The following COL16A1 variants were observed in gnomAD, a reference collection of about 807,000 sequenced individuals.
COL16A1 encodes the protein collagen type XVI alpha 1 chain.
A neutral mutation model predicts 266.3 loss-of-function variants in COL16A1; 189 were observed. That is an observed-to-expected ratio of 0.71 (90% confidence interval 0.63 to 0.80). The LOEUF (loss-of-function observed/expected upper bound fraction) is 0.80. Among genes scored for constraint, COL16A1 ranks in the 30% least tolerant of loss-of-function variants. The pLI, the probability that COL16A1 is intolerant of heterozygous loss-of-function variation, is 0.00. For synonymous variants in COL16A1, 740 were observed against 782.3 expected, an observed-to-expected ratio of 0.95 and a Z score of 0.90; for missense variants, 1,928 against 2,122.4, an observed-to-expected ratio of 0.91 and a Z score of 1.80.
chr1:31,702,224 G>A lies in COL16A1; in HGVS notation c.-31C>T, dbSNP rs1344133313. ...TCCAAAGAGGTCAGCTACAGCCACA[G>A]CACCTGAAAACCACAGAGACCGGGA... On this transcript the variant is annotated 5_prime_UTR_variant, in exon 2 of 71. Transcript: ENST00000373672. 6.2e-7 allele frequency: 1 copy of A among 1,613,740 alleles called. No individual in the cohort carries two copies. Among genetic ancestry groups the A allele is most frequent in the Non-Finnish European group, 8.5e-7 (1 of 1,179,830 alleles).
chr1:31,691,340 C>T, intron 19 of COL16A1, 77 bp downstream of exon 19: 1 of 1,581,510 alleles, frequency 6.3e-7, no homozygotes, highest in South Asian at 1.2e-5. Context: ...CCTTATCTTC[C>T]CCCCGTTCAT....
intron 42 of COL16A1, among the ~76,000 whole-genome samples, chr1:31,676,204 G>C (rs1312263351): frequency 1.3e-5 from 2 of 151,866 alleles, no homozygotes; most frequent in South Asian, 4.2e-4. Context: ...GTGTGCCTGT[G>C]GTCCCAGATA....
chr1:31,658,693 G>T, intron 63 of COL16A1, 116 bp from the exon 64 acceptor site: 2 of 1,083,286 alleles, frequency 1.8e-6, no homozygotes, highest in African/African-American at 1.6e-5. Flanking sequence ...AGGTGGCACT[G>T]CCTGAACTTG....
rs1570566699 is a variant in COL16A1, at chr1:31,692,357, T to G, written c.1194+117A>C. ...GGGGGAGATGGGGGAGGGAGGGTCC[T>G]GCCAGCTCTGTGCCCACTGACACCC... On this transcript the variant is annotated intron_variant, in intron 16 of 70. Coordinates refer to ENST00000373672, the MANE Select transcript of COL16A1 (RefSeq NM_001856.4). The G allele has an allele frequency of 4.8e-6, 7 of 1,462,224 alleles. No individual in the cohort carries two copies. In the East Asian group the frequency reaches 1.7e-4, roughly 36 times the overall value. 90.6% of individuals were successfully genotyped at this position (1,462,224 alleles called of 1,614,324 possible).
chr1:31,668,015 G>A lies in COL16A1; in HGVS notation c.3303+150C>T. The A allele has an allele frequency of 1.5e-6, 1 of 656,444 alleles. No individual in the cohort carries two copies. Among genetic ancestry groups the A allele is most frequent in the East Asian group, 2.7e-5 (1 of 36,496 alleles). The allele number at this position is 656,444 out of a possible 1,614,324, so 40.7% of individuals were successfully genotyped here. On this transcript the variant is annotated intron_variant, in intron 51 of 70. Transcript: ENST00000373672. This position sits in a 1 kb window ranked among gnomAD's most constrained non-coding sequence, Gnocchi z 5.8. ...CCAAGGGGGCCTACAGTGGGGAGAG[G>A]GGGCTGCATGGACTTTAGGCAAAGG...
rs540224903 is a variant in COL16A1, at chr1:31,670,589, G to A, written c.3195+13C>T. The A allele has an allele frequency of 8.6e-6, 12 of 1,395,678 alleles. No homozygotes were observed. The East Asian group carries it at 9.2e-5, about 11-fold the overall frequency. 86.5% of individuals were successfully genotyped at this position (1,395,678 alleles called of 1,614,324 possible). A position where few individuals can be genotyped will look rare whatever the true frequency, so the allele number is the denominator to read the frequency against. On this transcript the variant is annotated intron_variant, in intron 49 of 70. Coordinates refer to ENST00000373672, the MANE Select transcript of COL16A1 (RefSeq NM_001856.4). The surrounding 1 kb of genome is among the most constrained non-coding windows in gnomAD (Gnocchi z 4.5). ...CGGGGGGGAGGGGAGGTCGAGCAGC[G>A]CTAGGTTCTTACAGGCAATCCGGGG...
Position 31,691,593 on chromosome 1 carries a change from C to T in COL16A1, c.1302+5G>A, listed in dbSNP as rs780517616. Reference sequence around the variant, plus strand: ...ATCTCCACCCCACAAACATCCACAACTCACCTTCTGCCCTTTGGGCCCAAT... The same window carrying T: ...ATCTCCACCCCACAAACATCCACAATTCACCTTCTGCCCTTTGGGCCCAAT... On this transcript the variant is annotated splice_donor_5th_base_variant and intron_variant, in intron 18 of 70. Transcript: ENST00000373672. 4 of 1,613,824 alleles carry T rather than the reference C, an allele frequency of 2.5e-6. No homozygotes were observed. In the African/African-American group the frequency reaches 5.3e-5, roughly 22 times the overall value.
At position 31,688,346 on chromosome 1, in the gene COL16A1, C is replaced by A; in HGVS notation, c.1803+121G>T. The A allele has an allele frequency of 1.8e-6, 2 of 1,127,270 alleles. No homozygotes were observed. Among genetic ancestry groups the A allele is most frequent in the South Asian group, 2.6e-5 (2 of 75,864 alleles). The allele number at this position is 1,127,270 out of a possible 1,614,324, so 69.8% of individuals were successfully genotyped here. On this transcript the variant is annotated intron_variant, in intron 26 of 70. Transcript: ENST00000373672. The surrounding 1 kb of genome is among the most constrained non-coding windows in gnomAD (Gnocchi z 4.9). ...CTGCAAAACACTAGTAAATTAATTT[C>A]ACTGTGAATTTACCGTCTGAATCTC...
chr1:31,655,173 GCA>G (rs1557602325), intron 67 of COL16A1, 139 bp downstream of exon 67: 1 of 1,366,458 alleles, frequency 7.3e-7, no homozygotes, highest in Non-Finnish European at 9.8e-7. Context: ...CCACCCTTCC[GCA>G]CACAGTTAAG....
At chr1:31,673,571 C>T (rs1255990401) in intron 44 of COL16A1, among the ~76,000 whole-genome samples, 5 of 152,264 alleles carry the variant, frequency 3.3e-5, no homozygotes, top group African/African-American at 7.2e-5. Context: ...CCAGTAATAA[C>T]GACTGGCATT....
rs201840847 is a variant in COL16A1 at position 31,694,125 on chromosome 1, G to A, written c.1008+19C>T. On this transcript the variant is annotated intron_variant, in intron 12 of 70. Coordinates refer to ENST00000373672, the MANE Select transcript of COL16A1 (RefSeq NM_001856.4). ...ATGCTAAAGAGGACGGGAATGTCCC[G>A]TTCTCCATTAGGACTCACCTTGGGG... 77 of 1,599,932 alleles carry A rather than the reference G, an allele frequency of 4.8e-5. No homozygotes were observed. Among genetic ancestry groups the A allele is most frequent in the African/African-American group, 3.3e-4 (25 of 74,708 alleles).
chr1:31,660,755 TG>T, intron 61 of COL16A1, 117 bp from the exon 62 acceptor site: 1 of 1,451,060 alleles, frequency 6.9e-7, no homozygotes, highest in Non-Finnish European at 9.3e-7. Context: ...CCAAAGGAGC[TG>T]GGCCAATTCC....
At chr1:31,665,660 C>G in intron 54 of COL16A1, 42 bp from the exon 55 acceptor site, 1 of 1,606,854 alleles carries the variant, frequency 6.2e-7, no homozygotes, top group Non-Finnish European at 8.5e-7. Flanking sequence ...GCCACCCCCT[C>G]TCTCCTGCCT....
rs1642733525 is a variant in COL16A1, at chr1:31,671,787, C to T, written c.3106-128G>A. ...GAGGGTGGCTGCTGTCCAAGCAGGA[C>T]CACTTAGCTGATGTTCGAACAATCT... is the stretch of plus-strand genomic sequence containing the variant. On this transcript the variant is annotated intron_variant, in intron 47 of 70. Coordinates refer to ENST00000373672, the MANE Select transcript of COL16A1 (RefSeq NM_001856.4). 6 of 1,071,442 alleles carry T rather than the reference C, an allele frequency of 5.6e-6. No individual in the cohort carries two copies. In the South Asian group the frequency reaches 8.4e-5, roughly 15 times the overall value. The allele number at this position is 1,071,442 out of a possible 1,614,324, so 66.4% of individuals were successfully genotyped here.
At chr1:31,690,597 CG>C in intron 20 of COL16A1, 24 bp from the exon 21 acceptor site, 1 of 1,612,466 alleles carries the variant, frequency 6.2e-7, no homozygotes. Flanking sequence ...AAAGGATAAG[CG>C]GGGAGCCTTC....
In COL16A1 at chr1:31,692,017, C is replaced by G; in HGVS notation, c.1245G>C (p.Lys415Asn). Residue 415 changes from lysine (K) to asparagine (N), a missense_variant, in exon 17 of 71, where the codon AAG (lysine) becomes AAC (asparagine). Physicochemically the swap from Lys to Asn is moderately conservative, Grantham distance 94. This residue lies in a region of COL16A1 where 1,552 missense variants were observed against 1,637.2 expected (regional missense o/e 0.95). Coordinates refer to ENST00000373672, the MANE Select transcript of COL16A1 (RefSeq NM_001856.4). The stretch of plus-strand genomic sequence containing the variant: ...CCCAGGCACCTACGTCCCGGCCTGG[C>G]TTTCCCGGCACGCCCTTGATGCCTC... Reference protein sequence around the residue: ...GDGGIKGVPGKPGRDGRPGEI... With the variant: ...GDGGIKGVPGNPGRDGRPGEI... The G allele has an allele frequency of 6.2e-7, 1 of 1,613,912 alleles. No individual in the cohort carries two copies. The highest frequency in any genetic ancestry group is 8.5e-7 in the Non-Finnish European group (1 of 1,180,014).
chr1:31,690,471 C>G (rs1644210075), intron 21 of COL16A1, 58 bp downstream of exon 21: 4 of 1,614,174 alleles, frequency 2.5e-6, no homozygotes, highest in Non-Finnish European at 3.4e-6. Flanking sequence ...GGACCTAGCC[C>G]CTCCCTCCAG....
intron 21 of COL16A1, 25 bp downstream of exon 21, chr1:31,690,503 TC>T (rs1644211559): frequency 6.2e-7 from 1 of 1,613,790 alleles, no homozygotes; most frequent in African/African-American, 1.3e-5. Flanking sequence ...GAGCCGACCC[TC>T]CCCCGCTGGA....
intron 2 of COL16A1, chr1:31,701,440 G>A (rs770138277): frequency 1.2e-5 from 12 of 985,396 alleles, no homozygotes; most frequent in Non-Finnish European, 1.4e-5. Context: ...GCTTTTCCTA[G>A]CTGGGTTTGG....
Sources: gnomAD v4.1 joint callset for allele counts (sites outside exome capture counted in the v4.1 genomes callset) on GRCh38, gnomAD v4.1.1 for gene constraint, gnomAD v4.1.1 regional missense constraint, Gnocchi (gnomAD v3.1) non-coding constraint, MANE v1.5 for transcripts, NCBI Gene and HGNC (gene_info 2026-07-23, HGNC 2026-07-21) for gene names.